Variants in CSMD1 observed in about 807,000 individuals in gnomAD.
The protein encoded by CSMD1 is CUB and sushi domain-containing protein 1.
In CSMD1, 213 loss-of-function variants were observed where a neutral mutation model predicts 417.5. The observed-to-expected ratio is 0.51, with a 90% CI of 0.46 to 0.57. The LOEUF (loss-of-function observed/expected upper bound fraction) is 0.57, where lower values mean the gene tolerates loss of function less well. Among genes scored for constraint, CSMD1 ranks in the 20% least tolerant of loss-of-function variants. The pLI, the probability that CSMD1 is intolerant of heterozygous loss-of-function variation, is 0.00. For missense variants in CSMD1, 6,923 were observed against 4,529.7 expected (o/e 1.53, Z -15.17); for synonymous variants, 2,862 against 1,736.8 (o/e 1.65, Z -16.11).
rs114225866 is a variant in CSMD1, at chr8:4,183,290, C to G, written c.416-151191G>C. Among the ~76,000 whole-genome samples the G allele has an allele frequency of 1.6e-3, 238 of 152,248 alleles. 1 individual carries two copies. Among genetic ancestry groups the G allele is most frequent in the African/African-American group, 5.7e-3 (235 of 41,536 alleles). On this transcript the variant is annotated intron_variant, in intron 3 of 69. Transcript: ENST00000635120. ...TTAATTCTGTAAAAAAATATTTACACTACAGAATCAGCAATTAAATATATT... is the reference window on the plus strand; with the variant it reads ...TTAATTCTGTAAAAAAATATTTACAGTACAGAATCAGCAATTAAATATATT...
chr8:3,544,453 G>A (rs559738443), intron 10 of CSMD1, among the ~76,000 whole-genome samples: 5 of 152,062 alleles, frequency 3.3e-5, no homozygotes, highest in South Asian at 2.1e-4. Flanking sequence ...TCTCGGGAAC[G>A]CCTTACTCTG....
chr8:3,486,076 G>T (rs914045605), intron 11 of CSMD1, among the ~76,000 whole-genome samples: 1 of 152,054 alleles, frequency 6.6e-6, no homozygotes, highest in East Asian at 1.9e-4. Context: ...TCACAATTTT[G>T]TCAAGAAACA....
At chr8:4,789,752 T>C (rs992277337) in intron 1 of CSMD1, among the ~76,000 whole-genome samples, 2 of 152,130 alleles carry the variant, frequency 1.3e-5, no homozygotes, top group East Asian at 3.9e-4. Flanking sequence ...ACATAGTTCA[T>C]GTAGTAAATT....
chr8:3,063,294 C>G (rs1339828607), intron 49 of CSMD1, among the ~76,000 whole-genome samples: 2 of 152,140 alleles, frequency 1.3e-5, no homozygotes, highest in Admixed American at 1.3e-4. Context: ...ATTTCAGCTT[C>G]AGTTTTACCT....
In CSMD1 at chr8:2,963,359, C is replaced by G. The variant is rs1429592019; in HGVS notation, c.9317G>C (p.Gly3106Ala). The change falls in exon 60 of 70, where the codon GGA becomes GCA. Residue 3106 changes from glycine (G) to alanine (A), a missense_variant. Coordinates refer to ENST00000635120, the MANE Select transcript of CSMD1 (RefSeq NM_033225.6). ...GCGGAAATCACTTCCCTCCACTGTT[C>G]CATTCTGCACCGGCGGCGGCTGAGG... ...LCPQPPPVQN[G>A]TVEGSDFRWG... 1 of 1,613,958 alleles carries G rather than the reference C, an allele frequency of 6.2e-7. No homozygotes were observed. Among genetic ancestry groups the G allele is most frequent in the Admixed American group, 1.7e-5 (1 of 60,026 alleles).
intron 3 of CSMD1, among the ~76,000 whole-genome samples, chr8:4,210,976 C>G (rs1260731185): frequency 4.6e-5 from 7 of 152,126 alleles, no homozygotes; most frequent in Non-Finnish European, 8.8e-5. Flanking sequence ...AAAATCTCTT[C>G]AGGCAATTAC....
intron 3 of CSMD1, among the ~76,000 whole-genome samples, chr8:4,356,658 T>G (rs1412783016): frequency 6.6e-6 from 1 of 152,188 alleles, no homozygotes; most frequent in Non-Finnish European, 1.5e-5. Flanking sequence ...GTAGTTCACA[T>G]ACACCTGTTA....
intron 5 of CSMD1, among the ~76,000 whole-genome samples, chr8:3,908,691 T>C (rs1429974731): frequency 1.3e-5 from 2 of 152,164 alleles, no homozygotes; most frequent in South Asian, 2.1e-4. Context: ...ACAACTCTGG[T>C]GAAGCAATCG....
intron 3 of CSMD1, among the ~76,000 whole-genome samples, chr8:4,137,419 T>A (rs1803506189): frequency 2.2e-5 from 3 of 134,240 alleles, no homozygotes; most frequent in African/African-American, 7.4e-5. Flanking sequence ...ATCGCTTGTG[T>A]TTAATAATGA....
At chr8:4,911,923 C>T (rs1805702468) in intron 1 of CSMD1, among the ~76,000 whole-genome samples, 1 of 151,840 alleles carries the variant, frequency 6.6e-6, no homozygotes, top group South Asian at 2.1e-4. Context: ...TTTGTGGCAA[C>T]ATATTTTAGC....
At chr8:3,614,826 T>C (rs1323616233) in intron 8 of CSMD1, among the ~76,000 whole-genome samples, 1 of 152,162 alleles carries the variant, frequency 6.6e-6, no homozygotes, top group Non-Finnish European at 1.5e-5. Flanking sequence ...TGGAGACGCT[T>C]AAGACAGGTG....
intron 7 of CSMD1, among the ~76,000 whole-genome samples, chr8:3,682,987 A>G (rs1799745812): frequency 6.6e-6 from 1 of 152,126 alleles, no homozygotes; most frequent in Non-Finnish European, 1.5e-5. Context: ...ATACGTGGGA[A>G]CTGAACAATG....
In CSMD1 at chr8:3,408,043, C is replaced by G. The variant is rs376092303; in HGVS notation, c.1927G>C (p.Asp643His). The G allele has an allele frequency of 1.2e-6, 2 of 1,613,920 alleles. No individual in the cohort carries two copies. Among genetic ancestry groups the G allele is most frequent in the Admixed American group, 3.3e-5 (2 of 60,010 alleles). The change falls in exon 14 of 70, where the codon GAT (aspartate) becomes CAT (histidine). Residue 643 changes from aspartate (D) to histidine (H), a missense_variant. By Grantham distance (81) the Asp-to-His change is moderately conservative. Transcript: ENST00000635120. ...AGGACAGTTATGTCAGAAATGCCAT[C>G]ATCCTTGACCGCGAGAAAGTCAAAC... Reference protein sequence around the residue: ...PQFDFLAVKDDGISDITVLGT... With the variant: ...PQFDFLAVKDHGISDITVLGT...
intron 1 of CSMD1, among the ~76,000 whole-genome samples, chr8:4,721,568 A>G (rs1809052297): frequency 6.6e-6 from 1 of 152,350 alleles, no homozygotes; most frequent in East Asian, 1.9e-4. Context: ...ATAAATGTTG[A>G]CAAAGATGTA....
chr8:3,768,569 C>G (rs1423801246), intron 5 of CSMD1, among the ~76,000 whole-genome samples: 1 of 152,054 alleles, frequency 6.6e-6, no homozygotes, highest in East Asian at 1.9e-4. Flanking sequence ...TAAACAGAAA[C>G]AAGAGTACTT....
At chr8:4,114,762 T>G (rs1337063703) in intron 3 of CSMD1, among the ~76,000 whole-genome samples, 1 of 152,142 alleles carries the variant, frequency 6.6e-6, no homozygotes, top group African/African-American at 2.4e-5. Flanking sequence ...GTTTCAAGAA[T>G]ATAATAAGAC....
intron 2 of CSMD1, among the ~76,000 whole-genome samples, chr8:4,627,792 C>G (rs115927140): frequency 6.6e-6 from 1 of 152,024 alleles, no homozygotes; most frequent in Admixed American, 6.6e-5. Context: ...ATAATGTAGG[C>G]AGACATATGA....
chr8:4,176,651 C>G (rs1798062150), intron 3 of CSMD1, among the ~76,000 whole-genome samples: 1 of 151,550 alleles, frequency 6.6e-6, no homozygotes, highest in African/African-American at 2.4e-5. Context: ...GATAAAGAGT[C>G]AAGACCCATC....
At chr8:4,185,583 C>T (rs950181551) in intron 3 of CSMD1, among the ~76,000 whole-genome samples, 15 of 152,100 alleles carry the variant, frequency 9.9e-5, no homozygotes, top group African/African-American at 3.6e-4. Context: ...AAGTATCCTA[C>T]CTATCTAGTA....
Sources: gnomAD v4.1 joint callset for allele counts (sites outside exome capture counted in the v4.1 genomes callset) on GRCh38, gnomAD v4.1.1 for gene constraint, MANE v1.5 for transcripts, NCBI Gene and HGNC (gene_info 2026-07-23, HGNC 2026-07-21) for gene names.